NTM: variants seen among roughly 807,000 people sequenced by gnomAD.
The protein encoded by NTM is IgLON family member 2.
A neutral mutation model predicts 42.1 loss-of-function variants in NTM; 13 were observed. That is an observed-to-expected ratio of 0.31 (90% CI 0.20 to 0.49). The LOEUF (loss-of-function observed/expected upper bound fraction) is 0.49, where lower values mean the gene tolerates loss of function less well. NTM is among the 20% of genes least tolerant of loss of function. NTM has a pLI of 0.99. For missense variants in NTM, 373 were observed against 452.8 expected (o/e 0.82, Z 1.60); for synonymous variants, 187 against 179.2 (o/e 1.04, Z -0.35).
intron 1 of NTM, among the ~76,000 whole-genome samples, chr11:131,420,177 G>T (rs1198372949): frequency 1.3e-5 from 2 of 152,206 alleles, no homozygotes; most frequent in Non-Finnish European, 2.9e-5. Context: ...TGCTGATGTG[G>T]TTAAGAATCC....
Position 132,146,115 on chromosome 11 carries a change from G to A in NTM, c.168-167G>A, listed in dbSNP as rs2070354727. On this transcript the variant is annotated intron_variant, in intron 2 of 8. Transcript: ENST00000683400. This position sits in a 1 kb window ranked among gnomAD's most constrained non-coding sequence, Gnocchi z 4.5. ...ACATTCTGAGGCTGTAATCCCATAA[G>A]ACCTTTGCTGTGTTCCAGAAAAGTC... is the stretch of plus-strand genomic sequence containing the variant. 1 of 552,852 alleles carries A rather than the reference G, an allele frequency of 1.8e-6. No homozygotes were observed. The highest frequency in any genetic ancestry group is 2.1e-5 in the African/African-American group (1 of 48,686). 34.2% of individuals were successfully genotyped at this position (552,852 alleles called of 1,614,324 possible). A position where few individuals can be genotyped will look rare whatever the true frequency, so the allele number is the denominator to read the frequency against.
intron 1 of NTM, among the ~76,000 whole-genome samples, chr11:131,868,076 C>G (rs1046322253): frequency 6.6e-6 from 1 of 152,148 alleles, no homozygotes; most frequent in Non-Finnish European, 1.5e-5. Flanking sequence ...CTAAATACAT[C>G]GTACCTTGCT....
intron 1 of NTM, among the ~76,000 whole-genome samples, chr11:131,677,196 G>A (rs542138064): frequency 6.6e-6 from 1 of 152,190 alleles, no homozygotes; most frequent in African/African-American, 2.4e-5. Flanking sequence ...GAGGCAGTGA[G>A]TGCCAGGAAT....
intron 2 of NTM, among the ~76,000 whole-genome samples, chr11:132,141,668 T>C (rs1471647958): frequency 6.6e-6 from 1 of 152,184 alleles, no homozygotes; most frequent in Non-Finnish European, 1.5e-5. Context: ...TCAAACAGTA[T>C]AGGCCTATTC....
rs556344368 is a variant in NTM, at chr11:132,243,382, C to T, written c.526+31235C>T. The stretch of plus-strand genomic sequence containing the variant: ...AATATCAAACATATATAGGCTATTT[C>T]GCATTATTGGGGGTACGTCGAGGCA... On this transcript the variant is annotated intron_variant, in intron 4 of 8. Coordinates refer to ENST00000683400, the MANE Select transcript of NTM (RefSeq NM_001352005.2). Among the ~76,000 whole-genome samples the T allele has an allele frequency of 1.7e-4, 26 of 152,266 alleles. 1 individual carries two copies. The East Asian group carries it at 4.3e-3, about 25-fold the overall frequency.
chr11:131,661,280 T>G, intron 1 of NTM: 1 of 288,460 alleles, frequency 3.5e-6, no homozygotes, highest in South Asian at 4.0e-5. Context: ...TTTGAGGTTT[T>G]GCACGCTAAT....
chr11:132,260,320 A>C (rs573671624), intron 4 of NTM, among the ~76,000 whole-genome samples: 1 of 152,268 alleles, frequency 6.6e-6, no homozygotes, highest in Admixed American at 6.5e-5. Context: ...TCAAAGTCAC[A>C]CAGCTAATTA....
intron 1 of NTM, among the ~76,000 whole-genome samples, chr11:131,467,856 T>A (rs966912810): frequency 1.3e-5 from 2 of 152,126 alleles, no homozygotes; most frequent in African/African-American, 4.8e-5. Context: ...GACCTCTGAG[T>A]GAGCTGTTCC....
chr11:131,656,916 C>T (rs1329120374), intron 1 of NTM, among the ~76,000 whole-genome samples: 2 of 152,008 alleles, frequency 1.3e-5, no homozygotes, highest in East Asian at 3.9e-4. Context: ...TTAAGTTTGA[C>T]CGAGTCATCT....
chr11:131,856,962 T>C (rs1488100522), intron 1 of NTM, among the ~76,000 whole-genome samples: 1 of 152,192 alleles, frequency 6.6e-6, no homozygotes. Context: ...ACTTTTTCCT[T>C]TTTTCTCCTT....
chr11:132,134,729 A>ATC (rs1566259591), intron 2 of NTM, among the ~76,000 whole-genome samples: 2 of 70,984 alleles, frequency 2.8e-5, no homozygotes, highest in East Asian at 6.5e-4. Flanking sequence ...ATATATATAT[A>ATC]TATATATATA....
chr11:132,162,575 G>A (rs1369575276), intron 3 of NTM, among the ~76,000 whole-genome samples: 2 of 146,362 alleles, frequency 1.4e-5, no homozygotes, highest in Admixed American at 6.8e-5. Flanking sequence ...GGATGTGATC[G>A]TGTGTGTGTG....
At chr11:131,766,236 A>T (rs964887238) in intron 1 of NTM, among the ~76,000 whole-genome samples, 1 of 152,118 alleles carries the variant, frequency 6.6e-6, no homozygotes, top group South Asian at 2.1e-4. Context: ...TTCCTGTGTG[A>T]TGGGAAGCAA....
chr11:131,891,683 T>G (rs1025322277), intron 1 of NTM, among the ~76,000 whole-genome samples: 2 of 152,198 alleles, frequency 1.3e-5, no homozygotes, highest in African/African-American at 4.8e-5. Flanking sequence ...TCCTTGAGCC[T>G]GGCAGTGTCT....
chr11:131,481,846 C>A (rs1055769832), intron 1 of NTM, among the ~76,000 whole-genome samples: 1 of 152,144 alleles, frequency 6.6e-6, no homozygotes, highest in Non-Finnish European at 1.5e-5. Flanking sequence ...CTCTGGGACA[C>A]ATTTAGGAAC....
At chr11:131,793,629 A>T (rs993286785) in intron 1 of NTM, among the ~76,000 whole-genome samples, 1 of 152,208 alleles carries the variant, frequency 6.6e-6, no homozygotes, top group Non-Finnish European at 1.5e-5. Context: ...GCTCTGTAAT[A>T]GTTCAGGTTT....
intron 2 of NTM, among the ~76,000 whole-genome samples, chr11:131,968,510 G>C (rs1364029880): frequency 6.6e-6 from 1 of 152,092 alleles, no homozygotes; most frequent in Non-Finnish European, 1.5e-5. Flanking sequence ...TAGGCTCAGG[G>C]GCTCACATCT....
At chr11:131,614,877 C>A (rs2061774769) in intron 1 of NTM, among the ~76,000 whole-genome samples, 1 of 152,202 alleles carries the variant, frequency 6.6e-6, no homozygotes. Context: ...ACCAGCAGCA[C>A]TGGCCCTGCC....
intron 3 of NTM, among the ~76,000 whole-genome samples, chr11:132,155,124 T>C (rs1392384592): frequency 1.3e-5 from 2 of 152,186 alleles, no homozygotes; most frequent in Admixed American, 6.5e-5. Context: ...GTTGGCTCCG[T>C]TGGGGATTTA....
Sources: allele counts gnomAD v4.1 joint callset (sites outside exome capture counted in the v4.1 genomes callset), GRCh38; gene constraint gnomAD v4.1.1; non-coding constraint Gnocchi (gnomAD v3.1); transcripts MANE v1.5; gene names NCBI Gene and HGNC (gene_info 2026-07-23, HGNC 2026-07-21).